Variants in RASEF observed in about 807,000 individuals in gnomAD.
RASEF encodes the protein RAS and EF-hand domain containing, also known as ras and EF-hand domain-containing protein.
A neutral mutation model predicts 90.1 loss-of-function variants in RASEF; 68 were observed. That is an observed-to-expected ratio of 0.75 (90% CI 0.62 to 0.92). The LOEUF (loss-of-function observed/expected upper bound fraction) is 0.92, where lower values mean the gene tolerates loss of function less well. Among genes scored for constraint, RASEF ranks in the 40% least tolerant of loss-of-function variants. The probability of loss-of-function intolerance (pLI) is 0.00; values close to 1 mark genes in which losing one functional copy is unlikely to be tolerated. For missense variants in RASEF, 949 were observed against 937.2 expected, an observed-to-expected ratio of 1.01 and a Z score of -0.16; for synonymous variants, 331 against 345.2, an observed-to-expected ratio of 0.96 and a Z score of 0.46.
chr9:83,137,360 G>T, the RASEF span, among the ~76,000 whole-genome samples: 1 of 152,144 alleles, frequency 6.6e-6, no homozygotes, highest in Non-Finnish European at 1.5e-5. Context: ...GAATAAGATA[G>T]TAAGTATGTA....
intron 1 of RASEF, among the ~76,000 whole-genome samples, chr9:83,035,000 G>A (rs1829714299): frequency 1.3e-5 from 2 of 152,144 alleles, no homozygotes; most frequent in Admixed American, 1.3e-4. Flanking sequence ...GTTGTCTCCT[G>A]TCCATGTCTG....
intron 1 of RASEF, chr9:83,048,539 A>G (rs555468516): frequency 1.0e-6 from 1 of 985,402 alleles, no homozygotes; most frequent in Admixed American, 6.1e-5. Context: ...TACAAAAAAA[A>G]AAGTTTAAGT....
intron 2 of RASEF, among the ~76,000 whole-genome samples, chr9:83,024,647 T>A (rs1829508734): frequency 6.6e-6 from 1 of 152,180 alleles, no homozygotes. Flanking sequence ...GTCAGTCAAG[T>A]ACTAAAAATG....
intron 3 of RASEF, among the ~76,000 whole-genome samples, chr9:83,019,055 CAG>C (rs940013115): frequency 5.3e-5 from 8 of 151,814 alleles, no homozygotes; most frequent in Non-Finnish European, 1.5e-5. Flanking sequence ...GAAGAAAACA[CAG>C]GGGAAAATCT....
At chr9:83,073,782 G>A in the RASEF span, among the ~76,000 whole-genome samples, 3 of 152,178 alleles carry the variant, frequency 2.0e-5, no homozygotes, top group African/African-American at 7.2e-5. Context: ...ATTACAATAT[G>A]CCAATTAGTA....
chr9:83,073,492 C>T, the RASEF span, among the ~76,000 whole-genome samples: 1 of 152,054 alleles, frequency 6.6e-6, no homozygotes, highest in South Asian at 2.1e-4. Flanking sequence ...TAATGGTAAC[C>T]CAGTGAAGGC....
intron 16 of RASEF, 25 bp from the exon 17 acceptor site, chr9:82,982,807 G>C (rs1828637335): frequency 1.9e-5 from 1 of 51,810 alleles, no homozygotes; most frequent in Non-Finnish European, 4.0e-5. Flanking sequence ...GAGAGAGACA[G>C]AGAGAGAGAG....
chr9:83,162,843 A>C, the RASEF span, among the ~76,000 whole-genome samples: 2 of 152,210 alleles, frequency 1.3e-5, no homozygotes, highest in Non-Finnish European at 2.9e-5. Flanking sequence ...GCTGAGGATT[A>C]AAAATAACTC....
the RASEF span, among the ~76,000 whole-genome samples, chr9:83,090,709 G>A: frequency 6.6e-6 from 1 of 151,812 alleles, no homozygotes. Flanking sequence ...ATACTTTCTT[G>A]TCTCTTTGTA....
At position 83,048,687 on chromosome 9, in the gene RASEF, T is replaced by C. The variant is rs574933023; in HGVS notation, c.431+13750A>G. ...GGAGATTTAACATTTACTTTTTCCA[T>C]AGTGTTATGCCCTCAATTTAAATGA... On this transcript the variant is annotated intron_variant, in intron 1 of 16. Coordinates refer to ENST00000376447, the MANE Select transcript of RASEF (RefSeq NM_152573.4). The C allele has an allele frequency of 1.2e-5, 12 of 985,448 alleles. No homozygotes were observed. The Admixed American group carries it at 6.8e-4, about 55-fold the overall frequency. 61.0% of individuals were successfully genotyped at this position (985,448 alleles called of 1,614,324 possible).
At chr9:83,132,004 TTCCAAAGATGG>T in the RASEF span, among the ~76,000 whole-genome samples, 2 of 152,194 alleles carry the variant, frequency 1.3e-5, no homozygotes, top group African/African-American at 4.8e-5. Context: ...AGAACACATT[TTCCAAAGATGG>T]TATTAATAAC....
intron 1 of RASEF, among the ~76,000 whole-genome samples, chr9:83,056,596 T>G (rs569304737): frequency 6.6e-6 from 1 of 152,262 alleles, no homozygotes; most frequent in South Asian, 2.1e-4. Context: ...AAAGATTGGA[T>G]AACCTGGGCA....
the RASEF span, among the ~76,000 whole-genome samples, chr9:83,207,948 C>G: frequency 6.6e-6 from 1 of 152,098 alleles, no homozygotes; most frequent in Non-Finnish European, 1.5e-5. Flanking sequence ...CTGTTCTGAC[C>G]GCCTCTTGGT....
the RASEF span, among the ~76,000 whole-genome samples, chr9:83,142,613 T>A: frequency 6.6e-6 from 1 of 152,192 alleles, no homozygotes; most frequent in Non-Finnish European, 1.5e-5. Flanking sequence ...TGAGTGCTGC[T>A]CTTGATATTC....
At chr9:83,104,351 C>G in the RASEF span, among the ~76,000 whole-genome samples, 1 of 151,982 alleles carries the variant, frequency 6.6e-6, no homozygotes, top group African/African-American at 2.4e-5. Flanking sequence ...AGTCAATCAA[C>G]AGAGAAAATT....
Position 83,062,885 on chromosome 9 carries a change from G to C in RASEF, c.-18C>G. 2 of 1,453,364 alleles carry C rather than the reference G, an allele frequency of 1.4e-6. No individual in the cohort carries two copies. The highest frequency in any genetic ancestry group is 1.8e-6 in the Non-Finnish European group (2 of 1,114,316). The allele number at this position is 1,453,364 out of a possible 1,614,324, so 90.0% of individuals were successfully genotyped here. On this transcript the variant is annotated 5_prime_UTR_variant, in exon 1 of 17. Transcript: ENST00000376447. ...GCCTCCATCCCGCCTGGCGGGGGCG[G>C]CCGAGAGGGCTCCGGAGCGCCGCGG...
chr9:83,057,448 A>T (rs1830121521), intron 1 of RASEF, among the ~76,000 whole-genome samples: 1 of 152,234 alleles, frequency 6.6e-6, no homozygotes, highest in Non-Finnish European at 1.5e-5. Flanking sequence ...GAGTAATGAT[A>T]CACATAATTG....
At chr9:83,169,408 T>C in the RASEF span, among the ~76,000 whole-genome samples, 1 of 150,886 alleles carries the variant, frequency 6.6e-6, no homozygotes, top group Non-Finnish European at 1.5e-5. Flanking sequence ...AGTGGGATTG[T>C]TTGATCTTAT....
the RASEF span, among the ~76,000 whole-genome samples, chr9:83,213,381 C>T: frequency 2.1e-5 from 3 of 140,186 alleles, no homozygotes; most frequent in Non-Finnish European, 4.5e-5. Flanking sequence ...GCCTGGGCAA[C>T]AGAGCGAGAC....
Sources: allele counts gnomAD v4.1 joint callset (sites outside exome capture counted in the v4.1 genomes callset), GRCh38; gene constraint gnomAD v4.1.1; transcripts MANE v1.5; gene names NCBI Gene and HGNC (gene_info 2026-07-23, HGNC 2026-07-21).